C2CD5: variants seen among roughly 807,000 people sequenced by gnomAD.
C2CD5 encodes the protein C2 calcium dependent domain containing 5.
C2CD5 carries 109 observed loss-of-function variants against 130.3 expected under a neutral mutation model. That is an observed-to-expected ratio of 0.84 (90% CI 0.72 to 0.98). The LOEUF (loss-of-function observed/expected upper bound fraction) is 0.98. Ranked by LOEUF, C2CD5 falls within the 50% of genes least tolerant of loss-of-function variation. C2CD5 has a pLI of 0.00. For synonymous variants in C2CD5, 454 were observed against 429.2 expected, an observed-to-expected ratio of 1.06 and a Z score of -0.71; for missense variants, 996 against 1,261.8, an observed-to-expected ratio of 0.79 and a Z score of 3.19.
intron 15 of C2CD5, chr12:22,477,940 T>C (rs764395600): frequency 3.3e-5 from 6 of 183,244 alleles, no homozygotes; most frequent in Admixed American, 5.5e-5. Context: ...TTCTAGGCAA[T>C]AGAAACAAAG....
At chr12:22,531,374 T>C (rs780244674) in intron 3 of C2CD5, among the ~76,000 whole-genome samples, 2 of 152,194 alleles carry the variant, frequency 1.3e-5, no homozygotes, top group South Asian at 2.1e-4. Flanking sequence ...CACTTCCTGA[T>C]TGCAAAACTC....
Position 22,456,955 on chromosome 12 carries a change from A to G in C2CD5, c.2877+16T>C. The G allele has an allele frequency of 6.8e-7, 1 of 1,476,186 alleles. No homozygotes were observed. The highest frequency in any genetic ancestry group is 9.1e-7 in the Non-Finnish European group (1 of 1,093,746). The allele number at this position is 1,476,186 out of a possible 1,614,324, so 91.4% of individuals were successfully genotyped here. ...AGAAAATTTTTTAAAAAATGAAATA[A>G]CTTCTATAAAATTACCTCCCGAAGA... On this transcript the variant is annotated intron_variant, in intron 25 of 26. Coordinates refer to ENST00000446597, the MANE Select transcript of C2CD5 (RefSeq NM_001286176.2).
chr12:22,473,450 C>A (rs1385064759), intron 16 of C2CD5, among the ~76,000 whole-genome samples: 1 of 152,118 alleles, frequency 6.6e-6, no homozygotes, highest in Non-Finnish European at 1.5e-5. Context: ...CACAGCCATA[C>A]CTCAACCCAT....
chr12:22,513,732 TAAG>T (rs1949431723), intron 8 of C2CD5, among the ~76,000 whole-genome samples: 1 of 152,224 alleles, frequency 6.6e-6, no homozygotes, highest in African/African-American at 2.4e-5. Context: ...GCTAACAATT[TAAG>T]AATACTAACA....
chr12:22,543,143 TTATGA>T (rs1452762794), intron 2 of C2CD5, among the ~76,000 whole-genome samples: 6 of 152,238 alleles, frequency 3.9e-5, no homozygotes, highest in South Asian at 2.1e-4. Flanking sequence ...GAGCTATATA[TTATGA>T]TATATCTATC....
intron 2 of C2CD5, among the ~76,000 whole-genome samples, chr12:22,537,837 T>C (rs1029350700): frequency 1.3e-5 from 2 of 152,206 alleles, no homozygotes; most frequent in Admixed American, 1.3e-4. Context: ...AAGATGACAA[T>C]GTAGTTTAGC....
chr12:22,482,584 C>G lies in C2CD5; in HGVS notation c.1710G>C (p.Val570=). 6.2e-7 allele frequency: 1 copy of G among 1,613,736 alleles called. No homozygotes were observed. The change falls in exon 14 of 27, where the codon GTG becomes GTC. Residue 570 remains valine (V), a synonymous_variant. Coordinates refer to ENST00000446597, the MANE Select transcript of C2CD5 (RefSeq NM_001286176.2). ...ALFGLRIQIT[V]GENMLMGLAS... The stretch of plus-strand genomic sequence containing the variant: ...CTAAGCCCATCAACATATTTTCACC[C>G]ACTGTGATCTGAATTCTTAGTCCAA...
chr12:22,461,256 C>T (rs1591944206), intron 22 of C2CD5, among the ~76,000 whole-genome samples: 1 of 152,118 alleles, frequency 6.6e-6, no homozygotes, highest in Admixed American at 6.6e-5. Context: ...ATGTCTTGTG[C>T]AGTATAGATT....
At chr12:22,539,384 C>T (rs949175370) in intron 2 of C2CD5, among the ~76,000 whole-genome samples, 1 of 152,074 alleles carries the variant, frequency 6.6e-6, no homozygotes, top group Non-Finnish European at 1.5e-5. Flanking sequence ...TCCTCTAGTC[C>T]TCCTCTTCTA....
intron 3 of C2CD5, among the ~76,000 whole-genome samples, chr12:22,528,439 A>T (rs1273571398): frequency 6.6e-6 from 1 of 152,208 alleles, no homozygotes; most frequent in African/African-American, 2.4e-5. Flanking sequence ...CATATGCCAA[A>T]CACTGTGCCA....
chr12:22,456,664 A>G (rs913665077), intron 25 of C2CD5, among the ~76,000 whole-genome samples: 2 of 152,214 alleles, frequency 1.3e-5, no homozygotes, highest in African/African-American at 4.8e-5. Context: ...AAAAATTGCT[A>G]AATTACTGAG....
intron 24 of C2CD5, among the ~76,000 whole-genome samples, chr12:22,458,094 C>A (rs1193601638): frequency 1.3e-5 from 2 of 152,114 alleles, no homozygotes; most frequent in Non-Finnish European, 2.9e-5. Context: ...ACCATAAATT[C>A]TTTATTAGTT....
At chr12:22,543,555 T>TA (rs1308784938) in intron 2 of C2CD5, among the ~76,000 whole-genome samples, 3 of 152,224 alleles carry the variant, frequency 2.0e-5, no homozygotes, top group African/African-American at 7.2e-5. Context: ...TGCACCTTCT[T>TA]AAACATGATG....
At chr12:22,481,291 A>G (rs1451983198) in intron 14 of C2CD5, among the ~76,000 whole-genome samples, 1 of 152,216 alleles carries the variant, frequency 6.6e-6, no homozygotes, top group Non-Finnish European at 1.5e-5. Context: ...ACAAATGTAT[A>G]GAGACAAAAA....
At chr12:22,543,712 G>A (rs544336325) in intron 2 of C2CD5, among the ~76,000 whole-genome samples, 3 of 151,150 alleles carry the variant, frequency 2.0e-5, no homozygotes, top group Non-Finnish European at 2.9e-5. Flanking sequence ...CGGCATTTGT[G>A]TGTGTGTGTG....
intron 26 of C2CD5, among the ~76,000 whole-genome samples, chr12:22,453,363 GTTGA>G (rs1163314266): frequency 6.6e-6 from 1 of 152,160 alleles, no homozygotes; most frequent in Non-Finnish European, 1.5e-5. Flanking sequence ...ATTTAGTATA[GTTGA>G]TTAATTTTTA....
At chr12:22,472,121 C>T in intron 18 of C2CD5, 56 bp from the exon 19 acceptor site, 8 of 1,092,230 alleles carry the variant, frequency 7.3e-6, no homozygotes, top group Non-Finnish European at 9.6e-6. Context: ...AATATTTTAA[C>T]AGTTGATAAA....
rs1383698880 is a variant in C2CD5, at chr12:22,471,496, ATAG to A, written c.2269-11_2269-9del. 1.4e-6 allele frequency: 2 copies of A among 1,465,218 alleles called. No individual in the cohort carries two copies. The highest frequency in any genetic ancestry group is 1.9e-6 in the Non-Finnish European group (2 of 1,072,954). 90.8% of individuals were successfully genotyped at this position (1,465,218 alleles called of 1,614,324 possible). A position where few individuals can be genotyped will look rare whatever the true frequency, so the allele number is the denominator to read the frequency against. On this transcript the variant is annotated splice_polypyrimidine_tract_variant and intron_variant, in intron 19 of 26. Transcript: ENST00000446597. The stretch of plus-strand genomic sequence containing the variant: ...TAGTTTAAAGTACAGGCTCTACACA[ATAG>A]AAAATATTAGTAATGTCACTTTTTT...
At chr12:22,462,690 C>T (rs1941384027) in intron 22 of C2CD5, among the ~76,000 whole-genome samples, 2 of 152,286 alleles carry the variant, frequency 1.3e-5, no homozygotes, top group East Asian at 1.9e-4. Flanking sequence ...AATAACTTGT[C>T]GTAACCAATG....
Sources: allele counts gnomAD v4.1 joint callset (sites outside exome capture counted in the v4.1 genomes callset), GRCh38; gene constraint gnomAD v4.1.1; transcripts MANE v1.5; gene names NCBI Gene and HGNC (gene_info 2026-07-23, HGNC 2026-07-21).